RABEP1: variants seen among roughly 807,000 people sequenced by gnomAD.
RABEP1 encodes the protein rab GTPase-binding effector protein 1.
In RABEP1, 51 loss-of-function variants were observed where a neutral mutation model predicts 123.4. The ratio of observed to expected loss-of-function variants is 0.41; its 90% CI spans 0.33 to 0.52. The LOEUF is 0.52. Ranked by LOEUF, RABEP1 falls within the 20% of genes least tolerant of loss-of-function variation. The pLI is 0.16. For missense variants in RABEP1, 888 were observed against 996.3 expected (o/e 0.89, Z 1.46); for synonymous variants, 347 against 355.2 (o/e 0.98, Z 0.26).
intron 7 of RABEP1, 106 bp downstream of exon 7, chr17:5,350,735 G>A (rs1908471797): frequency 4.2e-6 from 5 of 1,182,388 alleles, no homozygotes; most frequent in Non-Finnish European, 6.0e-6. Flanking sequence ...CTGCAACAAG[G>A]TGATAAAGGT....
intron 11 of RABEP1, among the ~76,000 whole-genome samples, chr17:5,367,504 T>C (rs971782071): frequency 2.6e-5 from 4 of 151,400 alleles, no homozygotes; most frequent in Admixed American, 6.6e-5. Context: ...CTCCTGACTT[T>C]GTGATCCATC....
chr17:5,365,315 A>G (rs1909920894), intron 11 of RABEP1, 77 bp downstream of exon 11: 1 of 1,033,930 alleles, frequency 9.7e-7, no homozygotes, highest in Non-Finnish European at 1.4e-6. Context: ...AAATATAGTC[A>G]TGTTTTTTTT....
chr17:5,344,962 C>CAA (rs1907947071), intron 5 of RABEP1, among the ~76,000 whole-genome samples: 13 of 148,166 alleles, frequency 8.8e-5, no homozygotes, highest in Non-Finnish European at 1.5e-5. Context: ...GACTCCGTCT[C>CAA]AGAAAAAAAA....
rs1444127628 is a variant in RABEP1, at chr17:5,384,165, C to T, written c.*942C>T. On this transcript the variant is annotated 3_prime_UTR_variant, in exon 18 of 18. Coordinates refer to ENST00000537505, the MANE Select transcript of RABEP1 (RefSeq NM_004703.6). ...AAAATGGTAACTAGGTTGACAGATA[C>T]TTTGTATTTTTCTTTTGAATTCAGA... 6 of 214,172 alleles carry T rather than the reference C, an allele frequency of 2.8e-5. No individual in the cohort carries two copies. The highest frequency in any genetic ancestry group is 1.2e-4 in the Admixed American group (2 of 17,102). The allele number at this position is 214,172 out of a possible 1,614,324, so 13.3% of individuals were successfully genotyped here.
intron 15 of RABEP1, among the ~76,000 whole-genome samples, chr17:5,379,203 C>A (rs773840905): frequency 6.6e-6 from 1 of 152,218 alleles, no homozygotes; most frequent in African/African-American, 2.4e-5. Context: ...GCAGGGCCAC[C>A]TTCAGCTACT....
In RABEP1 at chr17:5,384,674, T is replaced by G; in HGVS notation, c.*1451T>G. The G allele has an allele frequency of 4.7e-6, 1 of 213,658 alleles. No homozygotes were observed. The highest frequency in any genetic ancestry group is 2.3e-5 in the African/African-American group (1 of 44,380). The allele number at this position is 213,658 out of a possible 1,614,324, so 13.2% of individuals were successfully genotyped here. On this transcript the variant is annotated 3_prime_UTR_variant, in exon 18 of 18. Transcript: ENST00000537505. ...GTACTACATACCTCATCTCTTGGGT[T>G]ATTATTGTAGTCTTGCATTCATGGT...
intron 12 of RABEP1, among the ~76,000 whole-genome samples, chr17:5,372,255 C>A (rs867047662): frequency 1.4e-4 from 21 of 151,922 alleles, no homozygotes; most frequent in African/African-American, 4.8e-4. Context: ...CCAGCCTGGC[C>A]AACATAGTGA....
intron 2 of RABEP1, among the ~76,000 whole-genome samples, chr17:5,326,473 C>G (rs1335661233): frequency 1.3e-5 from 2 of 151,950 alleles, no homozygotes; most frequent in African/African-American, 4.8e-5. Context: ...TCAGTGGTTG[C>G]CAGGGGTAGG....
intron 2 of RABEP1, among the ~76,000 whole-genome samples, chr17:5,325,199 A>G (rs1905851925): frequency 6.6e-6 from 1 of 152,030 alleles, no homozygotes; most frequent in South Asian, 2.1e-4. Context: ...ATCTAGGCGT[A>G]GTGGTGCCTG....
intron 2 of RABEP1, among the ~76,000 whole-genome samples, chr17:5,324,314 G>T (rs1327191077): frequency 6.6e-6 from 1 of 152,044 alleles, no homozygotes; most frequent in Non-Finnish European, 1.5e-5. Flanking sequence ...TGCAACAAAG[G>T]CACCAAGAAT....
intron 2 of RABEP1, among the ~76,000 whole-genome samples, chr17:5,331,529 T>C (rs547847765): frequency 4.9e-4 from 75 of 152,336 alleles, no homozygotes; most frequent in Admixed American, 1.1e-3. Context: ...GTCACTGCCA[T>C]GTGCTCTGGC....
At chr17:5,345,371 A>G (rs1166505910) in intron 5 of RABEP1, among the ~76,000 whole-genome samples, 2 of 152,120 alleles carry the variant, frequency 1.3e-5, no homozygotes, top group African/African-American at 4.8e-5. Flanking sequence ...GTAGATGTCC[A>G]TTTGTTGTTG....
chr17:5,377,287 A>C lies in RABEP1; in HGVS notation c.2197A>C (p.Asn733His). Reference sequence around the variant, plus strand: ...AGAAACTCTGCAACTAGAAATAGAAAACTGCAAGGAGGAAATAGGTGAAGA... The same window carrying C: ...AGAAACTCTGCAACTAGAAATAGAACACTGCAAGGAGGAAATAGGTGAAGA... ...LEETLQLEIENCKEEIASISS... is the reference protein window; with the variant it reads ...LEETLQLEIEHCKEEIASISS... Residue 733 changes from asparagine to histidine, a missense_variant, in exon 14 of 18, where the codon AAC (asparagine) becomes CAC (histidine). Transcript: ENST00000537505. 1 of 1,585,522 alleles carries C rather than the reference A, an allele frequency of 6.3e-7. No individual in the cohort carries two copies. The highest frequency in any genetic ancestry group is 8.5e-7 in the Non-Finnish European group (1 of 1,173,032).
At chr17:5,337,868 G>C (rs1907239122) in intron 4 of RABEP1, 151 bp from the exon 5 acceptor site, 3 of 698,602 alleles carry the variant, frequency 4.3e-6, no homozygotes, top group South Asian at 8.1e-5. Context: ...TGCACTATTT[G>C]AAAGTTAGAC....
At chr17:5,300,890 C>G (rs1309123513) in intron 1 of RABEP1, among the ~76,000 whole-genome samples, 1 of 152,154 alleles carries the variant, frequency 6.6e-6, no homozygotes, top group Non-Finnish European at 1.5e-5. Context: ...GATTCTCAAA[C>G]TTTAGCCTGC....
chr17:5,335,254 T>C lies in RABEP1; in HGVS notation c.438T>C (p.Tyr146=), dbSNP rs890787188. The change falls in exon 4 of 18, where the codon TAT becomes TAC. Residue 146 remains tyrosine (Y), a synonymous_variant. Transcript: ENST00000537505. The part of the protein sequence containing the change: ...LEQERTQWAQ[Y]RESAEREIAD... ...AGGAGCGAACACAGTGGGCACAGTA[T>C]AGAGAATCCGCAGAGAGGGAAATAG... The C allele has an allele frequency of 6.2e-7, 1 of 1,614,008 alleles. No homozygotes were observed. The highest frequency in any genetic ancestry group is 8.5e-7 in the Non-Finnish European group (1 of 1,179,920).
In RABEP1 at chr17:5,386,235, T is replaced by C; in HGVS notation, c.*3012T>C. On this transcript the variant is annotated 3_prime_UTR_variant, in exon 18 of 18. Transcript: ENST00000537505. The stretch of plus-strand genomic sequence containing the variant: ...AAGTTTACATGATTGCGGATATCAT[T>C]GATTTGCTTCACCATTTCCCTTATA... 1 of 1,613,524 alleles carries C rather than the reference T, an allele frequency of 6.2e-7. No homozygotes were observed. The highest frequency in any genetic ancestry group is 8.5e-7 in the Non-Finnish European group (1 of 1,179,778).
At chr17:5,363,101 C>A in intron 10 of RABEP1, 85 bp downstream of exon 10, 1 of 964,074 alleles carries the variant, frequency 1.0e-6, no homozygotes, top group Non-Finnish European at 1.7e-6. Context: ...CCGGCCCCAG[C>A]CCCATTTACA....
At chr17:5,373,565 C>T in intron 13 of RABEP1, 111 bp downstream of exon 13, 2 of 1,217,406 alleles carry the variant, frequency 1.6e-6, no homozygotes, top group Non-Finnish European at 2.2e-6. Flanking sequence ...GCCAATTCAA[C>T]CATTTAAAAT....
Sources: allele counts gnomAD v4.1 joint callset (sites outside exome capture counted in the v4.1 genomes callset), GRCh38; gene constraint gnomAD v4.1.1; transcripts MANE v1.5; gene names NCBI Gene and HGNC (gene_info 2026-07-23, HGNC 2026-07-21).